DOK5: variants seen among roughly 807,000 people sequenced by gnomAD.
DOK5 encodes downstream of tyrosine kinase 5.
Under a neutral mutation model 43.3 loss-of-function variants are expected in DOK5, and 27 were observed. The ratio of observed to expected loss-of-function variants is 0.62; its 90% CI spans 0.46 to 0.86. DOK5 has a LOEUF of 0.86. Among genes scored for constraint, DOK5 ranks in the 40% least tolerant of loss-of-function variants. DOK5 has a pLI of 0.00. For missense variants in DOK5, 373 were observed against 392.9 expected, an observed-to-expected ratio of 0.95 and a Z score of 0.43; for synonymous variants, 146 against 140.1, an observed-to-expected ratio of 1.04 and a Z score of -0.30.
At chr20:54,616,721 T>C (rs1187958393) in intron 6 of DOK5, among the ~76,000 whole-genome samples, 2 of 151,928 alleles carry the variant, frequency 1.3e-5, no homozygotes, top group Admixed American at 6.6e-5. Flanking sequence ...TAGGTTTCTG[T>C]TGGGGCTGCA....
At chr20:54,609,430 A>G (rs886372188) in intron 5 of DOK5, among the ~76,000 whole-genome samples, 1 of 152,124 alleles carries the variant, frequency 6.6e-6, no homozygotes, top group African/African-American at 2.4e-5. Context: ...ATCCCTGCAT[A>G]TGATTTTGTC....
intron 6 of DOK5, among the ~76,000 whole-genome samples, chr20:54,630,118 G>T (rs766444897): frequency 1.3e-5 from 2 of 152,200 alleles, no homozygotes; most frequent in East Asian, 1.9e-4. Context: ...ACGACTGGGG[G>T]TGCCCAGAGC....
At chr20:54,590,762 C>T (rs551994429) in intron 4 of DOK5, among the ~76,000 whole-genome samples, 1 of 152,234 alleles carries the variant, frequency 6.6e-6, no homozygotes, top group Non-Finnish European at 1.5e-5. Context: ...GTTAATGCCA[C>T]ATTGTCGTAT....
chr20:54,631,766 G>T (rs1473328686), intron 6 of DOK5, among the ~76,000 whole-genome samples: 1 of 152,218 alleles, frequency 6.6e-6, no homozygotes, highest in Non-Finnish European at 1.5e-5. Context: ...AAGGTCAAGA[G>T]ATCGAGACCA....
At chr20:54,527,610 T>A (rs896334034) in intron 1 of DOK5, among the ~76,000 whole-genome samples, 6 of 152,160 alleles carry the variant, frequency 3.9e-5, no homozygotes, top group African/African-American at 1.4e-4. Context: ...TCCTTAAGAA[T>A]AAAGTAAAAC....
At chr20:54,643,798 G>A (rs1677064401) in intron 7 of DOK5, among the ~76,000 whole-genome samples, 1 of 152,212 alleles carries the variant, frequency 6.6e-6, no homozygotes, top group East Asian at 1.9e-4. Context: ...TGTCCGGGGG[G>A]AAGTCACTTA....
At chr20:54,538,653 G>C (rs891851323) in intron 1 of DOK5, among the ~76,000 whole-genome samples, 5 of 152,104 alleles carry the variant, frequency 3.3e-5, no homozygotes, top group African/African-American at 1.2e-4. Flanking sequence ...TTTCTAACTG[G>C]ATATAGAAAA....
At chr20:54,595,124 G>T (rs368679131) in intron 5 of DOK5, among the ~76,000 whole-genome samples, 8 of 152,196 alleles carry the variant, frequency 5.3e-5, no homozygotes, top group African/African-American at 1.9e-4. Context: ...GGCAGATCAC[G>T]AGGTCAGGAG....
At chr20:54,587,776 C>T (rs976860700) in intron 2 of DOK5, among the ~76,000 whole-genome samples, 19 of 152,228 alleles carry the variant, frequency 1.2e-4, no homozygotes, top group African/African-American at 4.6e-4. Context: ...GATGGCTTTC[C>T]TCCCTGCTAG....
intron 1 of DOK5, among the ~76,000 whole-genome samples, chr20:54,514,396 C>A (rs1182823312): frequency 6.6e-6 from 1 of 152,102 alleles, no homozygotes; most frequent in Admixed American, 6.5e-5. Context: ...AAGAGGAATT[C>A]CAAGAATTCC....
chr20:54,488,609 T>G (rs764269070), intron 1 of DOK5, among the ~76,000 whole-genome samples: 5 of 152,114 alleles, frequency 3.3e-5, no homozygotes, highest in Non-Finnish European at 2.9e-5. Flanking sequence ...CCTGGCCTCA[T>G]AGAACTTACT....
At position 54,488,969 on chromosome 20, in the gene DOK5, A is replaced by G. The variant is rs187687493; in HGVS notation, c.66+12957A>G. Among the ~76,000 whole-genome samples, 88 of 152,144 alleles carry G rather than the reference A, an allele frequency of 5.8e-4. 1 individual carries two copies. The highest frequency in any genetic ancestry group is 3.4e-3 in the Middle Eastern group (1 of 294). ...GGTCGTAGTCCTTAGTAAATTCTCAATATTTGTTGATTGAATGGATGAATG... is the reference window on the plus strand; with the variant it reads ...GGTCGTAGTCCTTAGTAAATTCTCAGTATTTGTTGATTGAATGGATGAATG... On this transcript the variant is annotated intron_variant, in intron 1 of 7. Coordinates refer to ENST00000262593, the MANE Select transcript of DOK5 (RefSeq NM_018431.5).
At position 54,627,471 on chromosome 20, in the gene DOK5, C is replaced by CTT. The variant is rs1214394038; in HGVS notation, c.736-15985_736-15984dup. Among the ~76,000 whole-genome samples, 3 of 152,194 alleles carry CTT rather than the reference C, an allele frequency of 2.0e-5. No individual in the cohort carries two copies. The East Asian group carries it at 5.8e-4, about 29-fold the overall frequency. ...AGAAACTGAGGTTCGGTGGGTCACC[C>CTT]TTTAGTTAAGTAGAAAGTCAGGACG... is the stretch of plus-strand genomic sequence containing the variant. On this transcript the variant is annotated intron_variant, in intron 6 of 7. Coordinates refer to ENST00000262593, the MANE Select transcript of DOK5 (RefSeq NM_018431.5).
intron 6 of DOK5, among the ~76,000 whole-genome samples, chr20:54,611,666 G>T (rs1438106176): frequency 6.6e-6 from 1 of 152,176 alleles, no homozygotes; most frequent in Non-Finnish European, 1.5e-5. Flanking sequence ...CTTAAGTAAT[G>T]CACATCATGC....
At chr20:54,534,631 C>A (rs905136188) in intron 1 of DOK5, among the ~76,000 whole-genome samples, 1 of 152,124 alleles carries the variant, frequency 6.6e-6, no homozygotes, top group Non-Finnish European at 1.5e-5. Flanking sequence ...AAAGCATACA[C>A]GTGAAATACT....
rs1435137390 is a variant in DOK5, at chr20:54,608,428, AG to A, written c.600-1959del. On this transcript the variant is annotated intron_variant, in intron 5 of 7. Transcript: ENST00000262593. Reference sequence around the variant, plus strand: ...CTTACAGAATTGGATGCCAAACAATAGAGTCAAGTTTGTATGGCGGCTTAAA... The same window carrying A: ...CTTACAGAATTGGATGCCAAACAATAAGTCAAGTTTGTATGGCGGCTTAAA... Among the ~76,000 whole-genome samples the A allele has an allele frequency of 3.9e-5, 6 of 152,224 alleles. No homozygotes were observed. In the East Asian group the frequency reaches 1.2e-3, roughly 29 times the overall value.
chr20:54,523,431 T>C (rs1326669653), intron 1 of DOK5, among the ~76,000 whole-genome samples: 1 of 151,964 alleles, frequency 6.6e-6, no homozygotes, highest in Admixed American at 6.6e-5. Flanking sequence ...CTGGGCATGG[T>C]GGCCCATGCC....
intron 6 of DOK5, among the ~76,000 whole-genome samples, chr20:54,634,126 T>C (rs1978700417): frequency 6.6e-6 from 1 of 152,120 alleles, no homozygotes; most frequent in African/African-American, 2.4e-5. Context: ...AGACAGTTGT[T>C]TTTCTTTTCT....
At chr20:54,542,099 T>TACACACAGACACACAC (rs763674242) in intron 1 of DOK5, among the ~76,000 whole-genome samples, 94 of 122,056 alleles carry the variant, frequency 7.7e-4, no homozygotes, top group African/African-American at 2.6e-3. Context: ...TATTATAAGA[T>TACACACAGACACACAC]ACACACACAC....
Sources: allele counts gnomAD v4.1 joint callset (sites outside exome capture counted in the v4.1 genomes callset), GRCh38; gene constraint gnomAD v4.1.1; transcripts MANE v1.5; gene names NCBI Gene and HGNC (gene_info 2026-07-23, HGNC 2026-07-21).